Variants in PTPRJ observed in about 807,000 individuals in gnomAD.
PTPRJ encodes the protein receptor-type tyrosine-protein phosphatase eta.
Under a neutral mutation model 141.3 loss-of-function variants are expected in PTPRJ, and 129 were observed. That is an observed-to-expected ratio of 0.91 (90% CI 0.79 to 1.06). PTPRJ has a LOEUF of 1.06. Among genes scored for constraint, PTPRJ ranks in the 50% least tolerant of loss-of-function variants. The pLI is 0.00. For synonymous variants in PTPRJ, 610 were observed against 640.5 expected, an observed-to-expected ratio of 0.95 and a Z score of 0.72; for missense variants, 1,601 against 1,679.7, an observed-to-expected ratio of 0.95 and a Z score of 0.82.
intron 1 of PTPRJ, among the ~76,000 whole-genome samples, chr11:48,085,501 C>T (rs1477478525): frequency 2.0e-5 from 3 of 152,028 alleles, no homozygotes; most frequent in African/African-American, 7.2e-5. Flanking sequence ...CCCGCCACCA[C>T]ACTTGGCTAA....
At chr11:48,005,422 G>A (rs190520824) in intron 1 of PTPRJ, among the ~76,000 whole-genome samples, 21 of 152,038 alleles carry the variant, frequency 1.4e-4, no homozygotes, top group Non-Finnish European at 2.2e-4. Context: ...CCTGTTCTAT[G>A]TATTTCATGT....
chr11:48,111,560 G>A (rs766524256), intron 2 of PTPRJ, among the ~76,000 whole-genome samples: 12 of 152,138 alleles, frequency 7.9e-5, no homozygotes, highest in Admixed American at 2.6e-4. Context: ...GAAGAGTACT[G>A]CCGTTGGTTT....
intron 14 of PTPRJ, 141 bp from the exon 15 acceptor site, chr11:48,146,735 C>T (rs1857359181): frequency 4.5e-6 from 3 of 672,022 alleles, no homozygotes; most frequent in East Asian, 2.6e-5. Context: ...GTGTGTGCGC[C>T]TGTGTGTGTG....
intron 1 of PTPRJ, among the ~76,000 whole-genome samples, chr11:48,034,024 G>A (rs887679055): frequency 2.0e-5 from 3 of 152,206 alleles, no homozygotes; most frequent in Non-Finnish European, 4.4e-5. Context: ...TGAACTCCAG[G>A]TGCTGACACT....
In PTPRJ at chr11:48,159,119, T is replaced by TGGGG. The variant is rs376124837; in HGVS notation, c.3439-810_3439-807dup. On this transcript the variant is annotated intron_variant, in intron 21 of 24. Coordinates refer to ENST00000418331, the MANE Select transcript of PTPRJ (RefSeq NM_002843.4). ...TGGGGTGTGTGTGTGTGTGTGTATG[T>TGGGG]GGGGTGTGTGTGTGTGTGTGTGTGT... Among the ~76,000 whole-genome samples the TGGGG allele has an allele frequency of 3.3e-3, 55 of 16,722 alleles. 1 individual carries two copies. Among genetic ancestry groups the TGGGG allele is most frequent in the South Asian group, 6.3e-3 (3 of 476 alleles). The allele number at this position is 16,722 out of a possible 152,430, so 11.0% of individuals were successfully genotyped here.
chr11:47,980,697 G>T lies in PTPRJ; in HGVS notation c.-216G>T. 1 of 992,730 alleles carries T rather than the reference G, an allele frequency of 1.0e-6. No individual in the cohort carries two copies. The highest frequency in any genetic ancestry group is 4.7e-5 in the South Asian group (1 of 21,416). The allele number at this position is 992,730 out of a possible 1,614,324, so 61.5% of individuals were successfully genotyped here. A position where few individuals can be genotyped will look rare whatever the true frequency, so the allele number is the denominator to read the frequency against. On this transcript the variant is annotated 5_prime_UTR_variant, in exon 1 of 25. Transcript: ENST00000418331. ...GCGCTCAGGGACGCGGCCCCCCCGC[G>T]GCAGCCGCGCTAGGCTCCGGCGTGT...
In PTPRJ at chr11:48,079,751, T is replaced by TC. The variant is rs1448507570; in HGVS notation, c.97-30302dup. On this transcript the variant is annotated intron_variant, in intron 1 of 24. Coordinates refer to ENST00000418331, the MANE Select transcript of PTPRJ (RefSeq NM_002843.4). ...TTTGTTTCTGGCTGTGTTCAGGCTT[T>TC]CCCCCGCTTGCCTTTAGGGGAAGCT... 1.1e-4 allele frequency among the ~76,000 whole-genome samples: 17 copies of TC among 152,142 alleles called. 1 individual carries two copies. In the East Asian group the frequency reaches 1.7e-3, roughly 16 times the overall value.
chr11:48,167,660 T>A lies in PTPRJ; in HGVS notation c.*298T>A, dbSNP rs1479733588. On this transcript the variant is annotated 3_prime_UTR_variant, in exon 25 of 25. Coordinates refer to ENST00000418331, the MANE Select transcript of PTPRJ (RefSeq NM_002843.4). ...AACCAGGAAAAGGGAGCTATGATTT[T>A]TTTTTCCAAAACAATTTCTTTTTTA... 1.5e-5 allele frequency: 4 copies of A among 263,152 alleles called. No individual in the cohort carries two copies. The East Asian group carries it at 2.1e-4, about 14-fold the overall frequency. 16.3% of individuals were successfully genotyped at this position (263,152 alleles called of 1,614,324 possible). A position where few individuals can be genotyped will look rare whatever the true frequency, so the allele number is the denominator to read the frequency against.
intron 1 of PTPRJ, among the ~76,000 whole-genome samples, chr11:48,044,495 G>A (rs938768987): frequency 1.3e-5 from 2 of 152,236 alleles, no homozygotes; most frequent in Non-Finnish European, 2.9e-5. Context: ...TGGCTGGCTA[G>A]CGAGGTTGGG....
chr11:47,983,914 A>T (rs976119448), intron 1 of PTPRJ, among the ~76,000 whole-genome samples: 1 of 152,220 alleles, frequency 6.6e-6, no homozygotes, highest in African/African-American at 2.4e-5. Flanking sequence ...TGGGTTTATT[A>T]TCTCTCATGG....
Position 47,992,196 on chromosome 11 carries a change from CAT to C in PTPRJ, c.96+11190_96+11191del, listed in dbSNP as rs750396061. 7.9e-5 allele frequency among the ~76,000 whole-genome samples: 12 copies of C among 151,312 alleles called. 1 individual carries two copies. Among genetic ancestry groups the C allele is most frequent in the Admixed American group, 5.9e-4 (9 of 15,172 alleles). On this transcript the variant is annotated intron_variant, in intron 1 of 24. Coordinates refer to ENST00000418331, the MANE Select transcript of PTPRJ (RefSeq NM_002843.4). Reference sequence around the variant, plus strand: ...CTCTTTTTTTTTTTGTTTTTTAAGACATAGTCTCGCCCTGTCACCCAGGCTGG... The same window carrying C: ...CTCTTTTTTTTTTTGTTTTTTAAGACAGTCTCGCCCTGTCACCCAGGCTGG...
At chr11:48,096,417 A>G (rs1856006179) in intron 1 of PTPRJ, among the ~76,000 whole-genome samples, 1 of 152,260 alleles carries the variant, frequency 6.6e-6, no homozygotes, top group Middle Eastern at 3.4e-3. Flanking sequence ...GATTTGTTGA[A>G]GGGAGAACTG....
intron 1 of PTPRJ, among the ~76,000 whole-genome samples, chr11:48,086,423 C>T (rs1411953320): frequency 6.6e-6 from 1 of 152,212 alleles, no homozygotes; most frequent in Non-Finnish European, 1.5e-5. Flanking sequence ...CCACTCGCTT[C>T]GGCCTCCCAA....
chr11:48,078,069 T>C (rs1855455775), intron 1 of PTPRJ, among the ~76,000 whole-genome samples: 1 of 151,860 alleles, frequency 6.6e-6, no homozygotes, highest in Non-Finnish European at 1.5e-5. Context: ...TTTTCTTTTT[T>C]TTTTTTTGAG....
In PTPRJ at chr11:48,155,844, G is replaced by A. The variant is rs571911298; in HGVS notation, c.3273G>A (p.Thr1091=). The change falls in exon 20 of 25, where the codon ACG becomes ACA. Residue 1091 remains threonine, a synonymous_variant. Transcript: ENST00000418331. The part of the protein sequence containing the change: ...RVKLSVQTHS[T]DDYINANYMP... ...AACTTTCGGTCCAGACCCATTCAAC[G>A]GATGACTACATCAATGCCAACTACA... is the stretch of plus-strand genomic sequence containing the variant. The A allele has an allele frequency of 5.0e-5, 81 of 1,609,290 alleles. 1 individual carries two copies. The East Asian group carries it at 7.4e-4, about 15-fold the overall frequency.
At chr11:48,166,534 G>A (rs1314746575) in intron 24 of PTPRJ, among the ~76,000 whole-genome samples, 1 of 151,640 alleles carries the variant, frequency 6.6e-6, no homozygotes, top group Admixed American at 6.6e-5. Flanking sequence ...GGCTGATCTC[G>A]CACTCCTAAC....
At chr11:47,994,929 G>C (rs1003880771) in intron 1 of PTPRJ, among the ~76,000 whole-genome samples, 4 of 152,140 alleles carry the variant, frequency 2.6e-5, no homozygotes, top group African/African-American at 9.7e-5. Context: ...CTCTGGGGGT[G>C]TGAGAGCGCT....
At chr11:48,137,796 C>G (rs1182061462) in intron 10 of PTPRJ, among the ~76,000 whole-genome samples, 1 of 152,038 alleles carries the variant, frequency 6.6e-6, no homozygotes, top group African/African-American at 2.4e-5. Context: ...GGGGCTGAGC[C>G]AGGATGTGGA....
chr11:48,130,980 AAT>A (rs1258498933), intron 8 of PTPRJ, among the ~76,000 whole-genome samples: 5 of 147,852 alleles, frequency 3.4e-5, no homozygotes. Context: ...TAGATACACA[AAT>A]ATATGTGTGA....
Sources: gnomAD v4.1 joint callset for allele counts (sites outside exome capture counted in the v4.1 genomes callset) on GRCh38, gnomAD v4.1.1 for gene constraint, MANE v1.5 for transcripts, NCBI Gene and HGNC (gene_info 2026-07-23, HGNC 2026-07-21) for gene names.